The following RASA1 variants were observed in gnomAD, a reference collection of about 807,000 sequenced individuals.
The protein encoded by RASA1 is RAS p21 protein activator 1, also known as ras GTPase-activating protein 1.
RASA1 carries 25 observed loss-of-function variants against 132.2 expected under a neutral mutation model. The ratio of observed to expected loss-of-function variants is 0.19; its 90% CI spans 0.14 to 0.26. The LOEUF (loss-of-function observed/expected upper bound fraction) is 0.26, where lower values mean the gene tolerates loss of function less well. Among genes scored for constraint, RASA1 ranks in the 10% least tolerant of loss-of-function variants. The probability of loss-of-function intolerance (pLI) is 1.00; values close to 1 mark genes in which losing one functional copy is unlikely to be tolerated. For synonymous variants in RASA1, 477 were observed against 449.9 expected, an observed-to-expected ratio of 1.06 and a Z score of -0.76; for missense variants, 964 against 1,299.2, an observed-to-expected ratio of 0.74 and a Z score of 3.97.
chr5:87,302,694 TAAAG>T (rs1487529301), intron 1 of RASA1, among the ~76,000 whole-genome samples: 4 of 151,298 alleles, frequency 2.6e-5, no homozygotes, highest in East Asian at 1.9e-4. Context: ...AATCCATACT[TAAAG>T]AACCCCAGAA....
chr5:87,278,148 C>A (rs977904784), intron 1 of RASA1, among the ~76,000 whole-genome samples: 2 of 152,118 alleles, frequency 1.3e-5, no homozygotes, highest in African/African-American at 4.8e-5. Flanking sequence ...TAACGATAGA[C>A]CGTATCTCAC....
At chr5:87,274,955 G>T (rs1041235991) in intron 1 of RASA1, among the ~76,000 whole-genome samples, 1 of 152,194 alleles carries the variant, frequency 6.6e-6, no homozygotes, top group Non-Finnish European at 1.5e-5. Flanking sequence ...GGTGATGTCT[G>T]TAGTGACTGA....
chr5:87,349,400 G>A (rs748073300), intron 8 of RASA1, 36 bp downstream of exon 8: 57 of 1,603,320 alleles, frequency 3.6e-5, no homozygotes, highest in East Asian at 4.5e-5. Flanking sequence ...TTTACTTTTC[G>A]CAAAAATAGT....
At chr5:87,382,454 A>G (rs183224542) in intron 20 of RASA1, among the ~76,000 whole-genome samples, 108 of 152,340 alleles carry the variant, frequency 7.1e-4, no homozygotes, top group South Asian at 3.1e-3. Flanking sequence ...TTGTCTTTAC[A>G]TGGATTATGT....
intron 7 of RASA1, among the ~76,000 whole-genome samples, chr5:87,348,854 G>A (rs1759053084): frequency 1.3e-5 from 2 of 151,876 alleles, no homozygotes; most frequent in African/African-American, 4.8e-5. Flanking sequence ...TTCTTATTAC[G>A]AAGATTTACA....
Position 87,312,792 on chromosome 5 carries a change from A to G in RASA1, c.540-18556A>G, listed in dbSNP as rs1483227548. Among the ~76,000 whole-genome samples, 4 of 152,214 alleles carry G rather than the reference A, an allele frequency of 2.6e-5. No individual in the cohort carries two copies. The East Asian group carries it at 7.7e-4, about 29-fold the overall frequency. On this transcript the variant is annotated intron_variant, in intron 1 of 24. Transcript: ENST00000274376. ...TACACAGGCTCCTCAGAGTACTGGA[A>G]AATCTAGCAAACAAATAAACAAGAA...
chr5:87,283,583 T>TTA (rs1754416138), intron 1 of RASA1, among the ~76,000 whole-genome samples: 5 of 152,184 alleles, frequency 3.3e-5, no homozygotes, highest in Non-Finnish European at 7.4e-5. Context: ...TTTTTGTATA[T>TTA]TATATATATC....
intron 2 of RASA1, among the ~76,000 whole-genome samples, chr5:87,332,124 T>A (rs1445935493): frequency 6.6e-6 from 1 of 152,126 alleles, no homozygotes; most frequent in African/African-American, 2.4e-5. Context: ...GTGAAATTAT[T>A]ACTGTACTTT....
intron 16 of RASA1, 143 bp downstream of exon 16, chr5:87,376,708 G>A (rs1761350160): frequency 8.0e-7 from 1 of 1,255,212 alleles, no homozygotes; most frequent in Non-Finnish European, 1.1e-6. Flanking sequence ...GTTTTATACT[G>A]TAATTTTGGT....
chr5:87,344,742 C>T (rs548298662), intron 6 of RASA1, among the ~76,000 whole-genome samples: 32 of 143,760 alleles, frequency 2.2e-4, no homozygotes, highest in African/African-American at 6.7e-4. Flanking sequence ...TGGTCTCAAA[C>T]GCCTGGCCTC....
At chr5:87,286,441 T>C (rs1754569072) in intron 1 of RASA1, among the ~76,000 whole-genome samples, 1 of 151,962 alleles carries the variant, frequency 6.6e-6, no homozygotes, top group South Asian at 2.1e-4. Flanking sequence ...CAAGTAAAAA[T>C]TAAGAAATTC....
chr5:87,328,149 A>G (rs953373593), intron 1 of RASA1, among the ~76,000 whole-genome samples: 1 of 152,190 alleles, frequency 6.6e-6, no homozygotes, highest in African/African-American at 2.4e-5. Context: ...TATTATTGCT[A>G]TGTGCCAGGT....
intron 17 of RASA1, among the ~76,000 whole-genome samples, chr5:87,377,411 A>AC (rs1189233192): frequency 6.6e-6 from 1 of 152,086 alleles, no homozygotes; most frequent in Admixed American, 6.6e-5. Context: ...GCTCACTGCA[A>AC]CCTCTACCTC....
chr5:87,389,693 C>T (rs1016449478), intron 24 of RASA1, among the ~76,000 whole-genome samples, 166 bp downstream of exon 24: 1 of 152,154 alleles, frequency 6.6e-6, no homozygotes, highest in Admixed American at 6.6e-5. Context: ...CGGGCCCCGA[C>T]TAAAATGATG....
chr5:87,311,141 CT>C (rs1755886530), intron 1 of RASA1, among the ~76,000 whole-genome samples: 1 of 152,124 alleles, frequency 6.6e-6, no homozygotes, highest in Non-Finnish European at 1.5e-5. Context: ...CTAGCCACTT[CT>C]TTTATGACAC....
Position 87,268,110 on chromosome 5 carries a change from T to G in RASA1, c.-342T>G. 2.4e-6 allele frequency: 1 copy of G among 421,682 alleles called. No homozygotes were observed. 26.1% of individuals were successfully genotyped at this position (421,682 alleles called of 1,614,324 possible). On this transcript the variant is annotated 5_prime_UTR_variant, in exon 1 of 25. Coordinates refer to ENST00000274376, the MANE Select transcript of RASA1 (RefSeq NM_002890.3). ...AAGGAGCGGTAGCAGCCTCAGCCTCTTTCCCTGTGCTTCCTTTCCTCTTTA... is the reference window on the plus strand; with the variant it reads ...AAGGAGCGGTAGCAGCCTCAGCCTCGTTCCCTGTGCTTCCTTTCCTCTTTA...
At chr5:87,378,913 G>T (rs1157331511) in intron 18 of RASA1, among the ~76,000 whole-genome samples, 1 of 151,998 alleles carries the variant, frequency 6.6e-6, no homozygotes, top group Non-Finnish European at 1.5e-5. Flanking sequence ...GTTCTTGAAG[G>T]TTTTTTTGCG....
intron 7 of RASA1, among the ~76,000 whole-genome samples, chr5:87,348,273 A>G (rs901707402): frequency 2.6e-5 from 4 of 151,842 alleles, no homozygotes; most frequent in Non-Finnish European, 5.9e-5. Context: ...CCTTGATTGG[A>G]TGATTGGAAC....
chr5:87,325,846 C>G (rs1222861437), intron 1 of RASA1, among the ~76,000 whole-genome samples: 3 of 152,186 alleles, frequency 2.0e-5, no homozygotes, highest in Non-Finnish European at 4.4e-5. Flanking sequence ...TGTATTCACA[C>G]TAGGATATTT....
Sources: allele counts gnomAD v4.1 joint callset (sites outside exome capture counted in the v4.1 genomes callset), GRCh38; gene constraint gnomAD v4.1.1; transcripts MANE v1.5; gene names NCBI Gene and HGNC (gene_info 2026-07-23, HGNC 2026-07-21).